Variants in DCDC1 observed in about 807,000 individuals in gnomAD.
The protein encoded by DCDC1 is doublecortin domain containing 1, also known as doublecortin domain-containing protein 1.
In DCDC1, 200 loss-of-function variants were observed where a neutral mutation model predicts 178.3. The observed-to-expected ratio is 1.12, with a 90% CI of 1.00 to 1.26. The LOEUF is 1.26. Ranked by LOEUF, DCDC1 falls within the 50% of genes most tolerant of loss-of-function variation. The probability of loss-of-function intolerance (pLI) is 0.00; values close to 1 mark genes in which losing one functional copy is unlikely to be tolerated. For missense variants in DCDC1, 1,983 were observed against 1,749.2 expected, an observed-to-expected ratio of 1.13 and a Z score of -2.38; for synonymous variants, 690 against 604.8, an observed-to-expected ratio of 1.14 and a Z score of -2.07.
intron 11 of DCDC1, among the ~76,000 whole-genome samples, chr11:31,125,767 GC>G (rs1044983394): frequency 3.0e-4 from 46 of 152,146 alleles, no homozygotes; most frequent in African/African-American, 1.1e-3. Context: ...ACACACTGGG[GC>G]CCATCAGGGG....
intron 2 of DCDC1, among the ~76,000 whole-genome samples, chr11:31,333,873 G>A (rs906825406): frequency 2.0e-5 from 3 of 152,026 alleles, no homozygotes; most frequent in East Asian, 3.9e-4. Context: ...TGCTCTTCTC[G>A]AAGAGTATCT....
chr11:31,293,672 T>C (rs1947392772), intron 6 of DCDC1, among the ~76,000 whole-genome samples: 1 of 152,222 alleles, frequency 6.6e-6, no homozygotes, highest in African/African-American at 2.4e-5. Context: ...ATTTATGTGA[T>C]TTATAGATAC....
At position 30,948,892 on chromosome 11, in the gene DCDC1, C is replaced by G. The variant is rs557991911; in HGVS notation, c.2715+3553G>C. Among the ~76,000 whole-genome samples the G allele has an allele frequency of 3.2e-3, 486 of 152,220 alleles. 5 individuals are homozygous for G. Among genetic ancestry groups the G allele is most frequent in the African/African-American group, 0.011 (464 of 41,536 alleles). On this transcript the variant is annotated intron_variant, in intron 21 of 38. Transcript: ENST00000684477. ...AAGACTTAAACATAAGACCTAACAC[C>G]ATAAAAACCCTAGAAGAAAACCTAG...
intron 22 of DCDC1, 37 bp from the exon 23 acceptor site, chr11:30,925,445 G>C: frequency 6.4e-7 from 1 of 1,571,014 alleles, no homozygotes; most frequent in Non-Finnish European, 8.7e-7. Context: ...CTTGCATACA[G>C]AAAGCTTCCA....
intron 7 of DCDC1, among the ~76,000 whole-genome samples, chr11:31,272,465 T>C (rs1311752177): frequency 6.6e-6 from 1 of 152,236 alleles, no homozygotes; most frequent in East Asian, 1.9e-4. Flanking sequence ...AAGTTTCATC[T>C]GAGACAAAGA....
chr11:30,908,852 T>A, intron 29 of DCDC1, 94 bp downstream of exon 29: 1 of 1,173,554 alleles, frequency 8.5e-7, no homozygotes, highest in Non-Finnish European at 1.1e-6. Flanking sequence ...TGTATGAACA[T>A]AAAGTTTTCT....
chr11:30,884,700 A>T (rs1351246820), intron 36 of DCDC1, among the ~76,000 whole-genome samples: 1 of 152,080 alleles, frequency 6.6e-6, no homozygotes, highest in East Asian at 1.9e-4. Flanking sequence ...GACCCTTGTA[A>T]ACAAAAAAAC....
chr11:30,948,129 T>C (rs1055598319), intron 21 of DCDC1, among the ~76,000 whole-genome samples: 1 of 152,160 alleles, frequency 6.6e-6, no homozygotes, highest in African/African-American at 2.4e-5. Flanking sequence ...CAAAATCTTC[T>C]TAAGCTGATA....
At chr11:31,278,082 G>A (rs77882318) in intron 7 of DCDC1, among the ~76,000 whole-genome samples, 3,130 of 152,128 alleles carry the variant, frequency 0.021, 97 homozygotes, top group African/African-American at 0.07. Flanking sequence ...GAATGATTGT[G>A]AGGTAAGTTC....
chr11:30,964,002 A>G (rs1265045550), intron 20 of DCDC1, among the ~76,000 whole-genome samples: 2 of 151,958 alleles, frequency 1.3e-5, no homozygotes, highest in African/African-American at 4.8e-5. Flanking sequence ...ATTTTCATCC[A>G]CTTCTCCAAG....
intron 20 of DCDC1, among the ~76,000 whole-genome samples, chr11:31,035,432 C>G (rs566446430): frequency 6.6e-6 from 1 of 152,322 alleles, no homozygotes; most frequent in South Asian, 2.1e-4. Flanking sequence ...TTTCCCTTGT[C>G]TTTCATGACG....
At chr11:31,004,067 G>C (rs1951711733) in intron 20 of DCDC1, among the ~76,000 whole-genome samples, 1 of 151,922 alleles carries the variant, frequency 6.6e-6, no homozygotes, top group Non-Finnish European at 1.5e-5. Context: ...GCTGAGATGG[G>C]GTTTCTGGGA....
At position 31,065,025 on chromosome 11, in the gene DCDC1, T is replaced by G; in HGVS notation, c.2427A>C (p.Ala809=). 1 of 760,544 alleles carries G rather than the reference T, an allele frequency of 1.3e-6. No individual in the cohort carries two copies. Among genetic ancestry groups the G allele is most frequent in the East Asian group, 2.4e-5 (1 of 41,166 alleles). 47.1% of individuals were successfully genotyped at this position (760,544 alleles called of 1,614,324 possible). The change falls in exon 19 of 39, where the codon GCA becomes GCC. Residue 809 remains alanine (A), a synonymous_variant. Transcript: ENST00000684477. ...TCTGGCTCCCTACACTGACCTCTTC[T>G]GCTAAGTTTCTGCCATGTTCCTGAT... ...TAHQEHGRNL[A]EEVLQESASN...
At chr11:31,069,167 C>G (rs1200885074) in intron 18 of DCDC1, among the ~76,000 whole-genome samples, 2 of 151,938 alleles carry the variant, frequency 1.3e-5, no homozygotes, top group Non-Finnish European at 2.9e-5. Context: ...TGTATTTTTT[C>G]TAATATTAAT....
chr11:31,050,849 C>T (rs1260742247), intron 20 of DCDC1, among the ~76,000 whole-genome samples: 1 of 152,290 alleles, frequency 6.6e-6, no homozygotes. Flanking sequence ...CAGCCCTAGA[C>T]CTTCCCTCTG....
chr11:31,036,764 T>C (rs1244162471), intron 20 of DCDC1, among the ~76,000 whole-genome samples: 1 of 152,224 alleles, frequency 6.6e-6, no homozygotes, highest in African/African-American at 2.4e-5. Context: ...AACCTGCAGA[T>C]ACATAGAGTC....
chr11:30,881,445 G>T, intron 36 of DCDC1, 137 bp from the exon 37 acceptor site: 2 of 1,102,962 alleles, frequency 1.8e-6, no homozygotes, highest in Non-Finnish European at 2.5e-6. Flanking sequence ...CATTCGTATA[G>T]AAGAGATGGG....
chr11:31,166,111 A>G (rs1966762847), intron 9 of DCDC1, among the ~76,000 whole-genome samples: 1 of 152,200 alleles, frequency 6.6e-6, no homozygotes, highest in Admixed American at 6.5e-5. Context: ...AAGTACAGGT[A>G]GTTTCATTTC....
At chr11:31,351,651 A>T (rs1951078031) in intron 1 of DCDC1, among the ~76,000 whole-genome samples, 1 of 152,188 alleles carries the variant, frequency 6.6e-6, no homozygotes, top group Non-Finnish European at 1.5e-5. Context: ...TTTAATGGAC[A>T]GTGTTCTTTA....
Sources: gnomAD v4.1 joint callset for allele counts (sites outside exome capture counted in the v4.1 genomes callset) on GRCh38, gnomAD v4.1.1 for gene constraint, MANE v1.5 for transcripts, NCBI Gene and HGNC (gene_info 2026-07-23, HGNC 2026-07-21) for gene names.